The following GCAT variants were observed in gnomAD, a reference collection of about 807,000 sequenced individuals.
GCAT encodes 2-amino-3-ketobutyrate coenzyme A ligase, mitochondrial.
In GCAT, 26 loss-of-function variants were observed where a neutral mutation model predicts 39.7. The observed-to-expected ratio is 0.65, with a 90% CI of 0.48 to 0.91. The LOEUF is 0.91. Among genes scored for constraint, GCAT ranks in the 40% least tolerant of loss-of-function variants. The pLI is 0.00. For synonymous variants in GCAT, 218 were observed against 237.2 expected (o/e 0.92, Z 0.74); for missense variants, 550 against 576.2 (o/e 0.95, Z 0.47).
chr22:37,814,087 G>T (rs1460271918), intron 4 of GCAT, among the ~76,000 whole-genome samples: 1 of 151,972 alleles, frequency 6.6e-6, no homozygotes, highest in Non-Finnish European at 1.5e-5. Flanking sequence ...ATTCCATTGT[G>T]CCATGGTGCC....
At chr22:37,812,216 A>G (rs1921678133) in intron 2 of GCAT, among the ~76,000 whole-genome samples, 1 of 151,968 alleles carries the variant, frequency 6.6e-6, no homozygotes, top group East Asian at 1.9e-4. Context: ...GCGCACCTGT[A>G]GTCCCAGCTA....
intron 3 of GCAT, 165 bp from the exon 4 acceptor site, chr22:37,813,298 G>A (rs1366971800): frequency 2.1e-5 from 16 of 765,486 alleles, no homozygotes; most frequent in East Asian, 5.3e-5. Context: ...GGTCCAGCCC[G>A]GCACTGAGAC....
chr22:37,815,530 C>A, intron 6 of GCAT, 30 bp downstream of exon 6: 1 of 1,580,022 alleles, frequency 6.3e-7, no homozygotes, highest in Non-Finnish European at 8.7e-7. Context: ...CCTGGGGTCC[C>A]CTTGTCCTTT....
chr22:37,815,266 G>A lies in GCAT; in HGVS notation c.717G>A (p.Leu239=). 6.2e-7 allele frequency: 1 copy of A among 1,613,732 alleles called. No homozygotes were observed. Among genetic ancestry groups the A allele is most frequent in the Non-Finnish European group, 8.5e-7 (1 of 1,179,858 alleles). The stretch of plus-strand genomic sequence containing the variant: ...ATGAATGCCATGCCACTGGCTTCCT[G>A]GGGCCCACAGGACGGTGGGACCATG... The part of the protein sequence containing the change: ...FMDECHATGF[L]GPTGRGTDEL... The change falls in exon 5 of 9, where the codon CTG becomes CTA. Residue 239 remains leucine (L), a synonymous_variant. Coordinates refer to ENST00000248924, the MANE Select transcript of GCAT (RefSeq NM_014291.4).
intron 1 of GCAT, 118 bp from the exon 2 acceptor site, chr22:37,809,909 G>T: frequency 7.4e-7 from 1 of 1,347,696 alleles, no homozygotes; most frequent in South Asian, 1.2e-5. Flanking sequence ...CTCCTCAATG[G>T]TGACTCCAGG....
Position 37,816,188 on chromosome 22 carries a change from T to C in GCAT, c.987-12T>C. ...CGGCCCCTTAGCTACCTGTGACACC[T>C]TGTGCCCACAGGTTCCGTAGTAAGA... is the stretch of plus-strand genomic sequence containing the variant. On this transcript the variant is annotated splice_polypyrimidine_tract_variant and intron_variant, in intron 7 of 8. Coordinates refer to ENST00000248924, the MANE Select transcript of GCAT (RefSeq NM_014291.4). The C allele has an allele frequency of 6.2e-7, 1 of 1,612,292 alleles. No individual in the cohort carries two copies. The highest frequency in any genetic ancestry group is 8.5e-7 in the Non-Finnish European group (1 of 1,179,432).
chr22:37,808,624 A>G (rs551751392), intron 1 of GCAT, among the ~76,000 whole-genome samples: 1 of 152,286 alleles, frequency 6.6e-6, no homozygotes, highest in East Asian at 1.9e-4. Context: ...AAGGGGTCCC[A>G]GGGCTGCCAC....
chr22:37,814,979 T>C (rs1284187157), intron 4 of GCAT, 147 bp from the exon 5 acceptor site: 6 of 687,256 alleles, frequency 8.7e-6, no homozygotes, highest in Non-Finnish European at 1.2e-5. Context: ...GAGAGGATGT[T>C]CCAGCCCCCA....
intron 7 of GCAT, 32 bp downstream of exon 7, chr22:37,815,866 G>A (rs779449799): frequency 2.5e-6 from 4 of 1,609,538 alleles, no homozygotes; most frequent in Non-Finnish European, 3.4e-6. Flanking sequence ...GCTCGGGGGC[G>A]GAGAGACGTG....
chr22:37,815,444 T>C lies in GCAT; in HGVS notation c.758T>C (p.Met253Thr), dbSNP rs747154311. 5.6e-6 allele frequency: 9 copies of C among 1,610,710 alleles called. 1 individual carries two copies. Among genetic ancestry groups the C allele is most frequent in the East Asian group, 2.2e-5 (1 of 44,782 alleles). The change falls in exon 6 of 9, where the codon ATG becomes ACG. Residue 253 changes from methionine to threonine, a missense_variant. Met to Thr is a moderately conservative substitution (Grantham distance 81). Transcript: ENST00000248924. ...GRGTDELLGV[M>T]DQVTIINSTL... is the part of the protein sequence containing the mutation. ...GGCACAGATGAGCTGCTGGGTGTGA[T>C]GGACCAGGTCACCATCATCAACTCC...
intron 7 of GCAT, 36 bp from the exon 8 acceptor site, chr22:37,816,164 G>T (rs201785059): frequency 3.1e-6 from 5 of 1,606,328 alleles, no homozygotes; most frequent in African/African-American, 2.7e-5. Context: ...AATGCTCCAC[G>T]GCCCCTTAGC....
intron 2 of GCAT, among the ~76,000 whole-genome samples, chr22:37,811,493 A>G (rs1407829483): frequency 6.6e-6 from 1 of 151,448 alleles, no homozygotes; most frequent in African/African-American, 2.4e-5. Context: ...AAAAAAAAAA[A>G]AAAAAAAAAA....
Position 37,810,040 on chromosome 22 carries a change from C to G in GCAT, c.210C>G (p.Phe70Leu). Residue 70 changes from phenylalanine (F) to leucine (L), a missense_variant, in exon 2 of 9, where the codon TTC (phenylalanine) becomes TTG (leucine). Physicochemically the swap from Phe to Leu is conservative, Grantham distance 22. Around this residue, in one of 3 missense-constraint regions of GCAT, gnomAD observed 154 missense variants for 141.9 expected, o/e 1.08. Transcript: ENST00000248924. ...CCTTCACCTCAGGAATCCTTAACTT[C>G]TGTGCCAACAACTACCTGGGCCTGA... ...VDGVSGGILNFCANNYLGLSS... is the reference protein window; with the variant it reads ...VDGVSGGILNLCANNYLGLSS... 6.2e-7 allele frequency: 1 copy of G among 1,614,028 alleles called. No individual in the cohort carries two copies. The highest frequency in any genetic ancestry group is 8.5e-7 in the Non-Finnish European group (1 of 1,179,834).
At chr22:37,811,778 G>A (rs536483768) in intron 2 of GCAT, among the ~76,000 whole-genome samples, 3 of 150,750 alleles carry the variant, frequency 2.0e-5, no homozygotes, top group Admixed American at 6.6e-5. Context: ...ACAAAAATTA[G>A]CTGGCCGGGC....
In GCAT at chr22:37,808,025, G is replaced by T. The variant is rs570321078; in HGVS notation, c.58G>T (p.Ala20Ser). 4.7e-5 allele frequency: 73 copies of T among 1,548,708 alleles called. No homozygotes were observed. The East Asian group carries it at 1.8e-3, about 39-fold the overall frequency. The change falls in exon 1 of 9, where the codon GCA becomes TCA. Residue 20 changes from alanine (A) to serine (S), a missense_variant. Ala to Ser is a moderately conservative substitution (Grantham distance 99, BLOSUM62 1). This residue lies in a region of GCAT where 154 missense variants were observed against 141.9 expected (regional missense o/e 1.08). Transcript: ENST00000248924. ...ALFWVPRGRR[A>S]QSALAQLRGI... ...CTTCTGGGTGCCCCGCGGCCGCCGC[G>T]CACAGTCAGCGCTGGCCCAGCTGCG...
rs760763037 is a variant in GCAT, at chr22:37,815,192, CAGG to C, written c.646_648del (p.Glu216del). 1.2e-5 allele frequency: 19 copies of C among 1,614,066 alleles called. No homozygotes were observed. The South Asian group carries it at 2.0e-4, about 17-fold the overall frequency. Reference sequence around the variant, plus strand: ...CATGGATGGCGACATCGCACCCCTGCAGGAGATCTGCTGCCTCGCCTCTAGATA... The same window carrying C: ...CATGGATGGCGACATCGCACCCCTGCAGATCTGCTGCCTCGCCTCTAGATA... On this transcript the variant is annotated inframe_deletion, in exon 5 of 9. Coordinates refer to ENST00000248924, the MANE Select transcript of GCAT (RefSeq NM_014291.4).
In GCAT at chr22:37,808,218, T is replaced by A. The variant is rs1470239467; in HGVS notation, c.196+55T>A. 3.0e-6 allele frequency: 4 copies of A among 1,320,234 alleles called. No individual in the cohort carries two copies. In the African/African-American group the frequency reaches 6.3e-5, roughly 21 times the overall value. The allele number at this position is 1,320,234 out of a possible 1,614,324, so 81.8% of individuals were successfully genotyped here. On this transcript the variant is annotated intron_variant, in intron 1 of 8. Coordinates refer to ENST00000248924, the MANE Select transcript of GCAT (RefSeq NM_014291.4). ...GACCTTTCCCGAGCTTGCGCTGGAA[T>A]GGAGGTCCTGGAGGTGGGGGTGGGC...
chr22:37,809,900 T>G (rs1442390095), intron 1 of GCAT, 127 bp from the exon 2 acceptor site: 5 of 1,230,348 alleles, frequency 4.1e-6, no homozygotes, highest in East Asian at 2.5e-5. Context: ...ATTTGGTGCC[T>G]CCTCAATGGT....
chr22:37,816,986 G>A (rs184394097), downstream of GCAT: 127 of 420,808 alleles, frequency 3.0e-4, no homozygotes, highest in African/African-American at 2.3e-3. Flanking sequence ...GAGGGGAGGC[G>A]CCTGAGGACT....
Sources: allele counts gnomAD v4.1 joint callset (sites outside exome capture counted in the v4.1 genomes callset), GRCh38; gene constraint gnomAD v4.1.1; regional missense constraint gnomAD v4.1.1; transcripts MANE v1.5; gene names NCBI Gene and HGNC (gene_info 2026-07-23, HGNC 2026-07-21).